MLIP: variants seen among roughly 807,000 people sequenced by gnomAD.
MLIP encodes the protein muscular LMNA-interacting protein.
MLIP carries 79 observed loss-of-function variants against 84.8 expected under a neutral mutation model. That is an observed-to-expected ratio of 0.93 (90% confidence interval 0.78 to 1.12). The LOEUF is 1.12. Ranked by LOEUF, MLIP falls within the 50% of genes most tolerant of loss-of-function variation. The pLI is 0.00. For synonymous variants in MLIP, 504 were observed against 463.0 expected (o/e 1.09, Z -1.14); for missense variants, 1,257 against 1,160.6 (o/e 1.08, Z -1.21).
chr6:54,133,556 A>C (rs907525397), intron 3 of MLIP, among the ~76,000 whole-genome samples: 1 of 152,216 alleles, frequency 6.6e-6, no homozygotes. Flanking sequence ...GTAGCAGATC[A>C]GTCACTTCAG....
chr6:54,228,178 C>T (rs1399273483), intron 11 of MLIP, among the ~76,000 whole-genome samples: 1 of 32,994 alleles, frequency 3.0e-5, no homozygotes, highest in Non-Finnish European at 5.3e-5. Context: ...GGGAGACTGT[C>T]TCAAAAAAAA....
Position 54,137,737 on chromosome 6 carries a change from C to T in MLIP, c.1668C>T (p.Ser556=), listed in dbSNP as rs1474374864. 1 of 1,536,112 alleles carries T rather than the reference C, an allele frequency of 6.5e-7. No individual in the cohort carries two copies. The highest frequency in any genetic ancestry group is 8.7e-7 in the Non-Finnish European group (1 of 1,146,898). Residue 556 remains serine (S), a synonymous_variant, in exon 4 of 14, where the codon AGC becomes AGT. Transcript: ENST00000502396. ...SSVGLPPVPP[S]SSLSSLKSKQ... is the part of the protein sequence containing the mutation. ...TGGGTCTTCCTCCTGTTCCACCAAG[C>T]TCTTCTCTTTCCTCTTTGAAGAGTA...
intron 1 of MLIP, chr6:54,058,841 A>C (rs1370091080): frequency 6.6e-6 from 1 of 152,194 alleles, no homozygotes; most frequent in Non-Finnish European, 1.5e-5. Context: ...TTGGGGGTAG[A>C]AACCAAATAT....
At chr6:54,264,983 T>C (rs1393284411) in intron 13 of MLIP, among the ~76,000 whole-genome samples, 1 of 152,102 alleles carries the variant, frequency 6.6e-6, no homozygotes, top group African/African-American at 2.4e-5. Flanking sequence ...GACATTCACC[T>C]TGCACATAGG....
intron 8 of MLIP, among the ~76,000 whole-genome samples, chr6:54,165,700 T>C (rs926108301): frequency 6.6e-6 from 1 of 151,968 alleles, no homozygotes; most frequent in Non-Finnish European, 1.5e-5. Flanking sequence ...ATTTGCATAC[T>C]GTGGCATTGG....
At position 54,078,487 on chromosome 6, in the gene MLIP, G is replaced by A. The variant is rs181576864; in HGVS notation, c.64-42960G>A. The stretch of plus-strand genomic sequence containing the variant: ...CGGTCCCAGCTACTCGAGAGGTTGA[G>A]GTGAGCAGACTGCTTCAGCCTGAGG... On this transcript the variant is annotated intron_variant, in intron 1 of 12. Coordinates refer to the MLIP transcript ENST00000274897. 8.6e-4 allele frequency among the ~76,000 whole-genome samples: 131 copies of A among 152,228 alleles called. 3 individuals are homozygous for A. The highest frequency in any genetic ancestry group is 2.2e-3 in the African/African-American group (91 of 41,540).
chr6:54,079,372 A>G (rs1264913886), intron 1 of MLIP, among the ~76,000 whole-genome samples: 1 of 152,154 alleles, frequency 6.6e-6, no homozygotes, highest in Non-Finnish European at 1.5e-5. Context: ...CTGTAGGGGT[A>G]TGTTTTCTTA....
intron 12 of MLIP, among the ~76,000 whole-genome samples, chr6:54,250,332 C>T (rs906684183): frequency 2.0e-5 from 3 of 152,020 alleles, no homozygotes; most frequent in African/African-American, 7.2e-5. Context: ...ACACAAATAT[C>T]TTTTGACCCA....
intron 1 of MLIP, among the ~76,000 whole-genome samples, chr6:54,051,493 C>T (rs925483675): frequency 1.3e-5 from 2 of 152,082 alleles, no homozygotes; most frequent in Non-Finnish European, 2.9e-5. Context: ...ACGTACAAAA[C>T]TCCCAAACTC....
intron 11 of MLIP, among the ~76,000 whole-genome samples, chr6:54,228,350 T>C (rs893386245): frequency 6.6e-6 from 1 of 152,130 alleles, no homozygotes; most frequent in African/African-American, 2.4e-5. Context: ...GAAACATAAA[T>C]ATTGAAGCTG....
At chr6:54,139,836 C>T (rs986244898) in intron 4 of MLIP, among the ~76,000 whole-genome samples, 3 of 152,006 alleles carry the variant, frequency 2.0e-5, no homozygotes, top group African/African-American at 7.2e-5. Flanking sequence ...AGCAATTTAG[C>T]CTGACTTTAC....
chr6:54,178,073 G>A (rs115597956), intron 9 of MLIP, among the ~76,000 whole-genome samples: 12,647 of 152,090 alleles, frequency 0.083, 679 homozygotes, highest in East Asian at 0.21. Context: ...GAGGGAGAGC[G>A]TCAGGATAAA....
chr6:54,250,832 T>C (rs1782424868), intron 12 of MLIP, among the ~76,000 whole-genome samples: 1 of 152,088 alleles, frequency 6.6e-6, no homozygotes, highest in African/African-American at 2.4e-5. Context: ...AATTTCAGCC[T>C]CTGGGAAAAA....
intron 1 of MLIP, among the ~76,000 whole-genome samples, chr6:54,056,420 A>T (rs1437508385): frequency 6.6e-6 from 1 of 152,116 alleles, no homozygotes; most frequent in Non-Finnish European, 1.5e-5. Context: ...CATTTTTGGG[A>T]AGATGTTGCT....
intron 4 of MLIP, among the ~76,000 whole-genome samples, chr6:54,139,197 A>T (rs570136315): frequency 1.3e-5 from 2 of 152,302 alleles, no homozygotes; most frequent in South Asian, 4.1e-4. Flanking sequence ...TTCAATTTTA[A>T]TCAGTAGAAA....
chr6:54,142,690 C>G (rs1488942819), intron 4 of MLIP, among the ~76,000 whole-genome samples: 6 of 151,998 alleles, frequency 3.9e-5, no homozygotes, highest in Non-Finnish European at 8.8e-5. Context: ...GATAAGTGAC[C>G]ATCTTAACTA....
intron 2 of MLIP, among the ~76,000 whole-genome samples, chr6:54,121,857 C>A (rs1770484604): frequency 6.6e-6 from 1 of 152,118 alleles, no homozygotes; most frequent in Non-Finnish European, 1.5e-5. Flanking sequence ...CCTCCTGGCA[C>A]ATTCTCTCAA....
chr6:54,194,005 C>A (rs1330500342), intron 10 of MLIP, among the ~76,000 whole-genome samples: 1 of 152,182 alleles, frequency 6.6e-6, no homozygotes, highest in East Asian at 1.9e-4. Context: ...CATGCCGTTA[C>A]AAAATGTTCA....
chr6:54,246,421 T>C (rs1782087230), intron 12 of MLIP, among the ~76,000 whole-genome samples: 1 of 152,144 alleles, frequency 6.6e-6, no homozygotes, highest in Non-Finnish European at 1.5e-5. Context: ...CTTCTTGAAT[T>C]CCATTTTTAA....
Sources: allele counts gnomAD v4.1 joint callset (sites outside exome capture counted in the v4.1 genomes callset), GRCh38; gene constraint gnomAD v4.1.1; transcripts MANE v1.5; gene names NCBI Gene and HGNC (gene_info 2026-07-23, HGNC 2026-07-21).